Variants in DEDD observed in about 807,000 individuals in gnomAD.
The protein encoded by DEDD is death effector domain containing, also known as death effector domain-containing protein.
DEDD carries 3 observed loss-of-function variants against 29.2 expected under a neutral mutation model. The ratio of observed to expected loss-of-function variants is 0.10; its 90% CI spans 0.05 to 0.27. DEDD has a LOEUF of 0.27. Ranked by LOEUF, DEDD falls within the 10% of genes least tolerant of loss-of-function variation. The pLI is 1.00. For synonymous variants in DEDD, 152 were observed against 161.3 expected, an observed-to-expected ratio of 0.94 and a Z score of 0.44; for missense variants, 261 against 420.5, an observed-to-expected ratio of 0.62 and a Z score of 3.32.
At chr1:161,127,099 T>G (rs1443502442) in intron 2 of DEDD, among the ~76,000 whole-genome samples, 1 of 152,214 alleles carries the variant, frequency 6.6e-6, no homozygotes, top group African/African-American at 2.4e-5. Flanking sequence ...TAGTGCCTAG[T>G]AATGGACAGA....
At position 161,120,984 on chromosome 1, in the gene DEDD, T is replaced by C. The variant is rs1161159761; in HGVS notation, c.*1163A>G. Reference sequence around the variant, plus strand: ...AGTTTCAGAAAGGTGGAATTTTATATAGTCATTGTTTATTTCATGGAAACT... The same window carrying C: ...AGTTTCAGAAAGGTGGAATTTTATACAGTCATTGTTTATTTCATGGAAACT... On this transcript the variant is annotated 3_prime_UTR_variant, in exon 6 of 6. Transcript: ENST00000368006. 4.3e-6 allele frequency: 6 copies of C among 1,408,584 alleles called. No individual in the cohort carries two copies. The highest frequency in any genetic ancestry group is 4.6e-6 in the Non-Finnish European group (5 of 1,084,580). 87.3% of individuals were successfully genotyped at this position (1,408,584 alleles called of 1,614,324 possible).
intron 2 of DEDD, among the ~76,000 whole-genome samples, chr1:161,129,634 G>A (rs985983525): frequency 1.2e-4 from 18 of 151,590 alleles, no homozygotes; most frequent in African/African-American, 3.6e-4. Flanking sequence ...AAATATACTC[G>A]TATTTCTGTG....
At position 161,123,214 on chromosome 1, in the gene DEDD, G is replaced by T; in HGVS notation, c.441C>A (p.Pro147=). The part of the protein sequence containing the change: ...RPPQPSKTVP[P]HYPVVCCPTS... ...TGGGGCAACACACCACAGGATAGTGGGGAGGCACTGACCAGAAAGTAAAAG... is the reference window on the plus strand; with the variant it reads ...TGGGGCAACACACCACAGGATAGTGTGGAGGCACTGACCAGAAAGTAAAAG... The change falls in exon 5 of 6, where the codon CCC becomes CCA. Residue 147 remains proline, a synonymous_variant. Coordinates refer to ENST00000368006, the MANE Select transcript of DEDD (RefSeq NM_032998.3). The T allele has an allele frequency of 6.2e-7, 1 of 1,613,214 alleles. No individual in the cohort carries two copies. Among genetic ancestry groups the T allele is most frequent in the Non-Finnish European group, 8.5e-7 (1 of 1,179,184 alleles).
In DEDD at chr1:161,122,618, A is replaced by AAGT; in HGVS notation, c.581-98_581-96dup. Reference sequence around the variant, plus strand: ...AACTGAAAAGCACAACAGAATAAAAAAGTAGGGAATATCACCTGACAGCTT... The same window carrying AAGT: ...AACTGAAAAGCACAACAGAATAAAAAAGTAGTAGGGAATATCACCTGACAGCTT... On this transcript the variant is annotated intron_variant, in intron 5 of 5. Transcript: ENST00000368006. This position sits in a 1 kb window ranked among gnomAD's most constrained non-coding sequence, Gnocchi z 4.2. The AAGT allele has an allele frequency of 6.8e-7, 1 of 1,470,246 alleles. No homozygotes were observed. The highest frequency in any genetic ancestry group is 9.2e-7 in the Non-Finnish European group (1 of 1,092,388). 91.1% of individuals were successfully genotyped at this position (1,470,246 alleles called of 1,614,324 possible). A position where few individuals can be genotyped will look rare whatever the true frequency, so the allele number is the denominator to read the frequency against.
intron 2 of DEDD, chr1:161,124,747 A>C (rs1396139002): frequency 2.4e-6 from 1 of 421,804 alleles, no homozygotes; most frequent in Non-Finnish European, 3.8e-6. Context: ...GGATCACTTG[A>C]GCCCAGGCGT....
At position 161,122,285 on chromosome 1, in the gene DEDD, T is replaced by C. The variant is rs148553688; in HGVS notation, c.819A>G (p.Lys273=). The C allele has an allele frequency of 6.2e-5, 100 of 1,614,232 alleles. No homozygotes were observed. The African/African-American group carries it at 1.3e-3, about 21-fold the overall frequency. Reference sequence around the variant, plus strand: ...TGAGGGAGTCTGTGATGAAGACACCTTTAAGTGCCTCTAATAAAGAGCCAT... The same window carrying C: ...TGAGGGAGTCTGTGATGAAGACACCCTTAAGTGCCTCTAATAAAGAGCCAT... ...YINGSLLEAL[K]GVFITDSLKQ... Residue 273 remains lysine, a synonymous_variant, in exon 6 of 6, where the codon AAA becomes AAG. Transcript: ENST00000368006. This position sits in a 1 kb window ranked among gnomAD's most constrained non-coding sequence, Gnocchi z 4.2.
intron 2 of DEDD, chr1:161,125,485 T>C (rs1656067116): frequency 6.6e-6 from 1 of 152,168 alleles, no homozygotes. Flanking sequence ...TCCCTTGATC[T>C]TCACCCTATT....
intron 2 of DEDD, 95 bp from the exon 3 acceptor site, chr1:161,124,621 G>A: frequency 7.2e-7 from 1 of 1,392,302 alleles, no homozygotes; most frequent in East Asian, 2.5e-5. Flanking sequence ...GCCTGGCACA[G>A]TATAGTGCTT....
chr1:161,122,342 G>A lies in DEDD; in HGVS notation c.762C>T (p.Thr254=), dbSNP rs1343229919. 6.2e-7 allele frequency: 1 copy of A among 1,614,192 alleles called. No homozygotes were observed. The highest frequency in any genetic ancestry group is 2.2e-5 in the East Asian group (1 of 44,892). The stretch of plus-strand genomic sequence containing the variant: ...AGTCACGCCAGAATGCATCGAGGTA[G>A]GTGAGCTCAGAGAACTTGATGTCAC... ...IICDIKFSEL[T]YLDAFWRDYI... The change falls in exon 6 of 6, where the codon ACC becomes ACT. Residue 254 remains threonine (T), a synonymous_variant. Transcript: ENST00000368006. The surrounding 1 kb of genome is among the most constrained non-coding windows in gnomAD (Gnocchi z 4.2).
Position 161,122,104 on chromosome 1 carries a change from G to T in DEDD, c.*43C>A, listed in dbSNP as rs1261661025. 1 of 1,603,108 alleles carries T rather than the reference G, an allele frequency of 6.2e-7. No homozygotes were observed. ...CCCCAGAACAGTGTAAGCTCCAGAG[G>T]TGGGTGATGGGAACAGTCCCCAAAG... On this transcript the variant is annotated 3_prime_UTR_variant, in exon 6 of 6. Coordinates refer to ENST00000368006, the MANE Select transcript of DEDD (RefSeq NM_032998.3). This position sits in a 1 kb window ranked among gnomAD's most constrained non-coding sequence, Gnocchi z 4.2.
intron 2 of DEDD, among the ~76,000 whole-genome samples, chr1:161,129,930 T>C (rs112047046): frequency 4.6e-5 from 7 of 152,328 alleles, no homozygotes; most frequent in African/African-American, 1.7e-4. Context: ...GTTTTGCTTT[T>C]TTCTTTAGAG....
At chr1:161,123,635 C>CAA (rs35678373) in intron 4 of DEDD, among the ~76,000 whole-genome samples, 8 of 88,918 alleles carry the variant, frequency 9.0e-5, no homozygotes, top group Admixed American at 3.4e-4. Flanking sequence ...GACTCTGTCT[C>CAA]AAAAAAAAAA....
intron 2 of DEDD, among the ~76,000 whole-genome samples, chr1:161,129,608 A>T (rs1346740228): frequency 6.6e-6 from 1 of 151,990 alleles, no homozygotes; most frequent in Non-Finnish European, 1.5e-5. Context: ...AACATGACCA[A>T]TTTCCTCTAA....
At chr1:161,132,312 C>G (rs1481904122) in intron 1 of DEDD, 1 of 155,072 alleles carries the variant, frequency 6.4e-6, no homozygotes, top group Non-Finnish European at 1.5e-5. Context: ...CATGCCCTCA[C>G]TCCTCCGTCT....
At position 161,122,024 on chromosome 1, in the gene DEDD, T is replaced by TTA; in HGVS notation, c.*122_*123insTA. ...TTCCACTTTCTTTTGTCTTTTTCTT[T>TTA]AAAAAAAAAAAAAAAAAGGCAGGGG... On this transcript the variant is annotated 3_prime_UTR_variant, in exon 6 of 6. Coordinates refer to ENST00000368006, the MANE Select transcript of DEDD (RefSeq NM_032998.3). This position sits in a 1 kb window ranked among gnomAD's most constrained non-coding sequence, Gnocchi z 4.2. The TTA allele has an allele frequency of 7.5e-6, 8 of 1,068,148 alleles. No homozygotes were observed. The highest frequency in any genetic ancestry group is 3.4e-5 in the African/African-American group (2 of 58,416). 66.2% of individuals were successfully genotyped at this position (1,068,148 alleles called of 1,614,324 possible).
intron 2 of DEDD, among the ~76,000 whole-genome samples, chr1:161,125,782 G>A (rs528199080): frequency 1.3e-3 from 197 of 152,268 alleles, no homozygotes; most frequent in African/African-American, 4.3e-3. Flanking sequence ...GATTACAGGC[G>A]TGAGCCACCG....
chr1:161,121,752 T>G lies in DEDD; in HGVS notation c.*395A>C. Reference sequence around the variant, plus strand: ...AGCTCCCTTACTCACAGCCCTTTGGTTTTTTAGACAAAATTTAAGAGCTCT... The same window carrying G: ...AGCTCCCTTACTCACAGCCCTTTGGGTTTTTAGACAAAATTTAAGAGCTCT... On this transcript the variant is annotated 3_prime_UTR_variant, in exon 6 of 6. Transcript: ENST00000368006. The G allele has an allele frequency of 6.0e-6, 1 of 166,368 alleles. No homozygotes were observed. The highest frequency in any genetic ancestry group is 1.3e-5 in the Non-Finnish European group (1 of 75,300). The allele number at this position is 166,368 out of a possible 1,614,324, so 10.3% of individuals were successfully genotyped here. A position where few individuals can be genotyped will look rare whatever the true frequency, so the allele number is the denominator to read the frequency against.
chr1:161,122,376 G>A lies in DEDD; in HGVS notation c.728C>T (p.Ser243Phe). The change falls in exon 6 of 6, where the codon TCC (serine) becomes TTC (phenylalanine). Residue 243 changes from serine (S) to phenylalanine (F), a missense_variant. Coordinates refer to ENST00000368006, the MANE Select transcript of DEDD (RefSeq NM_032998.3). The surrounding 1 kb of genome is among the most constrained non-coding windows in gnomAD (Gnocchi z 4.2). ...NTILKSRDLG[S>F]IICDIKFSEL... Reference sequence around the variant, plus strand: ...AGAGAACTTGATGTCACAGATGATGGAGCCCAGGTCCCGGGACTTGAGGAT... The same window carrying A: ...AGAGAACTTGATGTCACAGATGATGAAGCCCAGGTCCCGGGACTTGAGGAT... 3 of 1,614,176 alleles carry A rather than the reference G, an allele frequency of 1.9e-6. No individual in the cohort carries two copies. The highest frequency in any genetic ancestry group is 2.5e-6 in the Non-Finnish European group (3 of 1,180,028).
Position 161,124,457 on chromosome 1 carries a change from C to G in DEDD, c.6G>C (p.Ala2=), listed in dbSNP as rs1460444528. The change falls in exon 3 of 6, where the codon GCG becomes GCC. Residue 2 remains alanine, a synonymous_variant. Coordinates refer to ENST00000368006, the MANE Select transcript of DEDD (RefSeq NM_032998.3). The part of the protein sequence containing the change: M[A]GLKRRASQVW... Reference sequence around the variant, plus strand: ...CCTGGCTTGCCCGCCGCTTTAGGCCCGCCATGCTGGGGGCTCAGGTACGCA... The same window carrying G: ...CCTGGCTTGCCCGCCGCTTTAGGCCGGCCATGCTGGGGGCTCAGGTACGCA... 3.1e-6 allele frequency: 5 copies of G among 1,599,896 alleles called. No homozygotes were observed. In the African/African-American group the frequency reaches 5.4e-5, roughly 17 times the overall value.
Sources: allele counts gnomAD v4.1 joint callset (sites outside exome capture counted in the v4.1 genomes callset), GRCh38; gene constraint gnomAD v4.1.1; non-coding constraint Gnocchi (gnomAD v3.1); transcripts MANE v1.5; gene names NCBI Gene and HGNC (gene_info 2026-07-23, HGNC 2026-07-21).